NELL1: variants seen among roughly 807,000 people sequenced by gnomAD.
The protein encoded by NELL1 is neural EGFL like 1.
Under a neutral mutation model 107.4 loss-of-function variants are expected in NELL1, and 76 were observed. The ratio of observed to expected loss-of-function variants is 0.71; its 90% CI spans 0.59 to 0.86. The LOEUF is 0.86. Ranked by LOEUF, NELL1 falls within the 40% of genes least tolerant of loss-of-function variation. The pLI is 0.00. For missense variants in NELL1, 1,024 were observed against 1,005.5 expected, an observed-to-expected ratio of 1.02 and a Z score of -0.25; for synonymous variants, 353 against 341.2, an observed-to-expected ratio of 1.03 and a Z score of -0.38.
chr11:20,958,777 T>G (rs1424350793), intron 11 of NELL1, among the ~76,000 whole-genome samples: 2 of 152,144 alleles, frequency 1.3e-5, no homozygotes, highest in Non-Finnish European at 2.9e-5. Flanking sequence ...ATGTTGAACA[T>G]GTGGCTAGAG....
chr11:20,932,507 A>T, intron 9 of NELL1, among the ~76,000 whole-genome samples: 1 of 152,202 alleles, frequency 6.6e-6, no homozygotes, highest in Non-Finnish European at 1.5e-5. Context: ...AGTAATCCCT[A>T]CCGAGGTCCT....
At chr11:20,809,413 A>G (rs983158893) in intron 3 of NELL1, among the ~76,000 whole-genome samples, 34 of 152,208 alleles carry the variant, frequency 2.2e-4, no homozygotes, top group Non-Finnish European at 1.0e-4. Context: ...TTTGAAATAT[A>G]CAATACATTA....
At chr11:21,225,255 G>C (rs1454358055) in intron 13 of NELL1, among the ~76,000 whole-genome samples, 2 of 152,158 alleles carry the variant, frequency 1.3e-5, no homozygotes, top group Non-Finnish European at 2.9e-5. Flanking sequence ...GGATCCAGGG[G>C]AGTGCAAAGG....
chr11:21,254,894 GC>G (rs1260727466), intron 14 of NELL1, among the ~76,000 whole-genome samples: 3 of 152,186 alleles, frequency 2.0e-5, no homozygotes, highest in South Asian at 4.1e-4. Flanking sequence ...AGCTGAGCAA[GC>G]CCCACAGCCT....
chr11:20,768,530 C>T (rs762605523), intron 2 of NELL1, among the ~76,000 whole-genome samples: 23 of 152,206 alleles, frequency 1.5e-4, no homozygotes, highest in Admixed American at 3.9e-4. Context: ...ATCTCCATAA[C>T]CTGTGACTAT....
intron 13 of NELL1, among the ~76,000 whole-genome samples, chr11:21,222,218 C>T (rs528106956): frequency 2.0e-5 from 3 of 152,106 alleles, no homozygotes; most frequent in Admixed American, 6.5e-5. Flanking sequence ...CTTGCTCTGT[C>T]GCCGAGGCTG....
intron 3 of NELL1, among the ~76,000 whole-genome samples, chr11:20,815,210 G>T (rs1037352294): frequency 1.3e-5 from 2 of 151,946 alleles, no homozygotes; most frequent in Non-Finnish European, 2.9e-5. Flanking sequence ...GATTACAGGT[G>T]CCTGCCACCA....
At chr11:21,086,503 G>A (rs1341733538) in intron 12 of NELL1, among the ~76,000 whole-genome samples, 2 of 152,136 alleles carry the variant, frequency 1.3e-5, no homozygotes, top group African/African-American at 4.8e-5. Flanking sequence ...TTTGGGCTGA[G>A]TCTGATACCG....
intron 15 of NELL1, among the ~76,000 whole-genome samples, chr11:21,420,894 T>C (rs1590919525): frequency 6.6e-6 from 1 of 152,092 alleles, no homozygotes; most frequent in African/African-American, 2.4e-5. Flanking sequence ...CCTGAGGAAA[T>C]TGATGACTTC....
chr11:21,147,836 CAAAAAAA>C (rs35688285), intron 13 of NELL1, among the ~76,000 whole-genome samples: 287 of 28,782 alleles, frequency 1.0e-2, no homozygotes, highest in African/African-American at 0.03. Context: ...AACTCCGTCT[CAAAAAAA>C]AAAAAAAAAA....
chr11:21,011,841 C>G (rs549673841), intron 12 of NELL1, among the ~76,000 whole-genome samples: 30 of 152,254 alleles, frequency 2.0e-4, no homozygotes, highest in African/African-American at 7.2e-4. Flanking sequence ...CCACTTAGTG[C>G]ATAATGAACA....
chr11:20,671,432 A>T (rs1489403422), intron 1 of NELL1: 1 of 152,268 alleles, frequency 6.6e-6, no homozygotes, highest in African/African-American at 2.4e-5. Context: ...GCACATCACT[A>T]CGGAATATGC....
intron 3 of NELL1, among the ~76,000 whole-genome samples, chr11:20,847,364 T>C (rs1182244472): frequency 6.6e-6 from 1 of 152,208 alleles, no homozygotes; most frequent in Non-Finnish European, 1.5e-5. Context: ...GGTGGACCAA[T>C]TGATCTCTGT....
intron 4 of NELL1, among the ~76,000 whole-genome samples, chr11:20,872,671 GGTGTGTGTGTGTGTGTGT>G (rs61184129): frequency 4.4e-5 from 6 of 137,094 alleles, no homozygotes; most frequent in Non-Finnish European, 6.3e-5. Context: ...CAGTGTTTGA[GGTGTGTGTGTGTGTGTGT>G]GTGTGTGTGT....
At chr11:21,196,042 A>G (rs553098776) in intron 13 of NELL1, among the ~76,000 whole-genome samples, 3 of 152,316 alleles carry the variant, frequency 2.0e-5, no homozygotes, top group Non-Finnish European at 4.4e-5. Flanking sequence ...TTGTTTCTAC[A>G]TCTTGTGTGT....
chr11:21,490,950 G>A (rs766656051), intron 15 of NELL1, among the ~76,000 whole-genome samples: 1 of 151,980 alleles, frequency 6.6e-6, no homozygotes, highest in Non-Finnish European at 1.5e-5. Context: ...TAGACAAATG[G>A]GACTATGTTA....
At chr11:21,011,575 A>C (rs1415804049) in intron 12 of NELL1, among the ~76,000 whole-genome samples, 1 of 152,128 alleles carries the variant, frequency 6.6e-6, no homozygotes, top group Non-Finnish European at 1.5e-5. Context: ...CAGACCAGGC[A>C]TCTCTCTGGA....
chr11:21,393,488 T>C (rs1851922735), intron 15 of NELL1, among the ~76,000 whole-genome samples: 1 of 151,754 alleles, frequency 6.6e-6, no homozygotes, highest in Non-Finnish European at 1.5e-5. Flanking sequence ...TGATGAGCAA[T>C]TTATTTAGAT....
intron 11 of NELL1, among the ~76,000 whole-genome samples, chr11:20,956,096 G>A (rs1851165157): frequency 6.6e-6 from 1 of 152,134 alleles, no homozygotes; most frequent in African/African-American, 2.4e-5. Flanking sequence ...GTACACGCCT[G>A]TAGTCCCAGC....
Sources: gnomAD v4.1 joint callset for allele counts (sites outside exome capture counted in the v4.1 genomes callset) on GRCh38, gnomAD v4.1.1 for gene constraint, MANE v1.5 for transcripts, NCBI Gene and HGNC (gene_info 2026-07-23, HGNC 2026-07-21) for gene names.